RNF121: variants seen among roughly 807,000 people sequenced by gnomAD.
RNF121 encodes the protein E3 ubiquitin ligase RNF121.
Under a neutral mutation model 46.5 loss-of-function variants are expected in RNF121, and 21 were observed. That is an observed-to-expected ratio of 0.45 (90% CI 0.32 to 0.65). The LOEUF is 0.65. RNF121 is among the 30% of genes least tolerant of loss of function. RNF121 has a pLI of 0.04. For synonymous variants in RNF121, 139 were observed against 144.7 expected (o/e 0.96, Z 0.28); for missense variants, 346 against 416.0 (o/e 0.83, Z 1.46).
At chr11:71,967,006 G>A (rs1241641468) in intron 3 of RNF121, among the ~76,000 whole-genome samples, 2 of 148,146 alleles carry the variant, frequency 1.4e-5, no homozygotes, top group African/African-American at 4.9e-5. Context: ...CGAGTAGCTG[G>A]GACTACAGGC....
chr11:71,946,175 G>A (rs1953712728), intron 1 of RNF121, among the ~76,000 whole-genome samples: 1 of 151,898 alleles, frequency 6.6e-6, no homozygotes, highest in Admixed American at 6.6e-5. Flanking sequence ...AATATTGATA[G>A]GAACATTACT....
At chr11:71,974,516 T>C (rs913875706) in intron 3 of RNF121, among the ~76,000 whole-genome samples, 1 of 152,202 alleles carries the variant, frequency 6.6e-6, no homozygotes, top group Admixed American at 6.5e-5. Flanking sequence ...TTCAGATTAG[T>C]AAACCAAGGT....
chr11:71,949,204 G>A (rs1361653973), intron 1 of RNF121, among the ~76,000 whole-genome samples: 1 of 152,188 alleles, frequency 6.6e-6, no homozygotes, highest in Admixed American at 6.5e-5. Context: ...GGTCACTTGA[G>A]CCCAGAAGTT....
In RNF121 at chr11:71,935,375, T is replaced by C. The variant is rs146447899; in HGVS notation, c.63+6251T>C. 1.8e-3 allele frequency among the ~76,000 whole-genome samples: 281 copies of C among 152,350 alleles called. 2 individuals carry two copies. Among genetic ancestry groups the C allele is most frequent in the East Asian group, 2.3e-3 (12 of 5,192 alleles). On this transcript the variant is annotated intron_variant, in intron 1 of 8. Coordinates refer to ENST00000361756, the MANE Select transcript of RNF121 (RefSeq NM_018320.5). ...TATACAGCCAGGTAAGTGACAGAAC[T>C]GGGGTTCAAATCCAAGACTACTTCA...
chr11:71,952,362 G>A (rs2134166956), intron 1 of RNF121, among the ~76,000 whole-genome samples: 1 of 152,288 alleles, frequency 6.6e-6, no homozygotes, highest in Non-Finnish European at 1.5e-5. Flanking sequence ...ATTTTATTTT[G>A]AGGTGACAAA....
At chr11:71,984,415 GACTACAGGCACCCGCCACCACACCT>G (rs1300790609) in intron 4 of RNF121, among the ~76,000 whole-genome samples, 4 of 151,944 alleles carry the variant, frequency 2.6e-5, no homozygotes, top group Admixed American at 1.3e-4. Flanking sequence ...AAGTAGCTGG[GACTACAGGCACCCGCCACCACACCT>G]GGCTAATTTT....
At chr11:71,964,187 T>C (rs555411939) in intron 3 of RNF121, among the ~76,000 whole-genome samples, 100 of 152,232 alleles carry the variant, frequency 6.6e-4, no homozygotes, top group Non-Finnish European at 8.8e-4. Flanking sequence ...ATCTCTTTCA[T>C]CAATGTTTTG....
At chr11:71,949,314 A>C (rs1040196254) in intron 1 of RNF121, among the ~76,000 whole-genome samples, 1 of 152,032 alleles carries the variant, frequency 6.6e-6, no homozygotes, top group Admixed American at 6.5e-5. Context: ...GCTACTCAGG[A>C]AACTGAGGTG....
In RNF121 at chr11:71,996,267, C is replaced by T. The variant is rs757471299; in HGVS notation, c.936C>T (p.Val312=). The T allele has an allele frequency of 1.9e-6, 3 of 1,614,182 alleles. No individual in the cohort carries two copies. Among genetic ancestry groups the T allele is most frequent in the South Asian group, 2.2e-5 (2 of 91,088 alleles). Residue 312 remains valine, a synonymous_variant, in exon 9 of 9, where the codon GTC becomes GTT. Coordinates refer to ENST00000361756, the MANE Select transcript of RNF121 (RefSeq NM_018320.5). The part of the protein sequence containing the change: ...WLRYLVAWQP[V]IIGVVQGINY... ...GATACTTGGTAGCCTGGCAGCCTGT[C>T]ATCATTGGTGTAGTCCAAGGCATCA...
intron 1 of RNF121, among the ~76,000 whole-genome samples, chr11:71,952,490 G>A (rs528137196): frequency 2.0e-5 from 3 of 152,266 alleles, no homozygotes; most frequent in South Asian, 2.1e-4. Flanking sequence ...GTGTAAGTTT[G>A]TGGGATACAG....
intron 3 of RNF121, among the ~76,000 whole-genome samples, chr11:71,963,868 T>A (rs567107014): frequency 6.6e-6 from 1 of 152,368 alleles, no homozygotes; most frequent in African/African-American, 2.4e-5. Context: ...ATTCCGTTGA[T>A]CTATATGTCT....
chr11:71,995,641 C>T, intron 8 of RNF121, 90 bp downstream of exon 8: 1 of 960,016 alleles, frequency 1.0e-6, no homozygotes, highest in Non-Finnish European at 1.6e-6. Context: ...CTGGGGCCCT[C>T]ACTTCTGCCC....
intron 3 of RNF121, among the ~76,000 whole-genome samples, chr11:71,979,429 C>A (rs1157292669): frequency 6.6e-6 from 1 of 152,158 alleles, no homozygotes; most frequent in Non-Finnish European, 1.5e-5. Context: ...CTTGTTCTCT[C>A]TTTTTTTCTC....
chr11:71,944,214 T>C (rs1311874727), intron 1 of RNF121, among the ~76,000 whole-genome samples: 1 of 152,024 alleles, frequency 6.6e-6, no homozygotes, highest in East Asian at 1.9e-4. Context: ...GCACCTGTAA[T>C]CCCAGCCACT....
intron 2 of RNF121, among the ~76,000 whole-genome samples, chr11:71,959,838 G>A (rs772066814): frequency 5.9e-5 from 9 of 152,094 alleles, no homozygotes. Context: ...GTTTCGCCAT[G>A]TTGGCCAGGC....
At chr11:71,932,290 A>G (rs911550091) in intron 1 of RNF121, among the ~76,000 whole-genome samples, 1 of 152,232 alleles carries the variant, frequency 6.6e-6, no homozygotes. Flanking sequence ...TGTGAATTAG[A>G]TGGAGTTAAC....
At chr11:71,956,196 A>G (rs776966283) in intron 1 of RNF121, among the ~76,000 whole-genome samples, 1 of 152,168 alleles carries the variant, frequency 6.6e-6, no homozygotes, top group Non-Finnish European at 1.5e-5. Context: ...TACTAAAGGA[A>G]TGGTTGTTGA....
intron 7 of RNF121, 60 bp downstream of exon 7, chr11:71,994,912 G>A (rs748325130): frequency 5.0e-5 from 80 of 1,607,634 alleles, no homozygotes; most frequent in Non-Finnish European, 6.5e-5. Context: ...TGTAGTGAGA[G>A]AGAGAAAGAG....
At position 71,960,876 on chromosome 11, in the gene RNF121, C is replaced by T. The variant is rs775824472; in HGVS notation, c.228C>T (p.His76=). Residue 76 remains histidine (H), a synonymous_variant, in exon 3 of 9, where the codon CAC becomes CAT. Coordinates refer to ENST00000361756, the MANE Select transcript of RNF121 (RefSeq NM_018320.5). ...TCCTGGTGCAGTGGAAGCAGAGGCA[C>T]CCACGCTCCTACAATGTAAGCCACT... ...QLLLVQWKQR[H]PRSYNMVTLF... 1.2e-6 allele frequency: 2 copies of T among 1,614,002 alleles called. No homozygotes were observed. Among genetic ancestry groups the T allele is most frequent in the African/African-American group, 1.3e-5 (1 of 75,036 alleles).
Sources: allele counts gnomAD v4.1 joint callset (sites outside exome capture counted in the v4.1 genomes callset), GRCh38; gene constraint gnomAD v4.1.1; transcripts MANE v1.5; gene names NCBI Gene and HGNC (gene_info 2026-07-23, HGNC 2026-07-21).